Variants in PTPRD observed in about 807,000 individuals in gnomAD.
The protein encoded by PTPRD is receptor-type tyrosine-protein phosphatase delta.
Under a neutral mutation model 214.5 loss-of-function variants are expected in PTPRD, and 34 were observed. The ratio of observed to expected loss-of-function variants is 0.16; its 90% CI spans 0.12 to 0.21. The LOEUF is 0.21. Ranked by LOEUF, PTPRD falls within the 10% of genes least tolerant of loss-of-function variation. The pLI, the probability that PTPRD is intolerant of heterozygous loss-of-function variation, is 1.00. For missense variants in PTPRD, 2,545 were observed against 2,398.7 expected, an observed-to-expected ratio of 1.06 and a Z score of -1.27; for synonymous variants, 1,128 against 845.7, an observed-to-expected ratio of 1.33 and a Z score of -5.79.
chr9:8,417,040 T>C (rs1043992679), intron 35 of PTPRD, among the ~76,000 whole-genome samples: 3 of 152,064 alleles, frequency 2.0e-5, no homozygotes, highest in Non-Finnish European at 4.4e-5. Context: ...AATTCCTTAT[T>C]TAAAAACTGT....
intron 2 of PTPRD, among the ~76,000 whole-genome samples, chr9:10,416,293 G>C (rs114368428): frequency 6.6e-6 from 1 of 151,762 alleles, no homozygotes; most frequent in African/African-American, 2.4e-5. Flanking sequence ...GGGAGGCAGA[G>C]TGTTGCAGTG....
At chr9:8,341,544 G>T in intron 40 of PTPRD, 149 bp downstream of exon 40, 1 of 952,778 alleles carries the variant, frequency 1.0e-6, no homozygotes, top group African/African-American at 1.6e-5. Context: ...AGGAAAAGGG[G>T]AGGAATACAT....
intron 8 of PTPRD, among the ~76,000 whole-genome samples, chr9:9,455,377 G>A (rs941283421): frequency 6.6e-6 from 1 of 151,386 alleles, no homozygotes; most frequent in Non-Finnish European, 1.5e-5. Context: ...TGTCTCTCTA[G>A]TTTCATTTTG....
intron 10 of PTPRD, among the ~76,000 whole-genome samples, chr9:9,139,167 G>A (rs888208612): frequency 2.3e-4 from 34 of 150,474 alleles, no homozygotes; most frequent in African/African-American, 8.3e-4. Flanking sequence ...TGGAACTGCA[G>A]ACAATTCTGA....
intron 10 of PTPRD, among the ~76,000 whole-genome samples, chr9:9,144,884 T>C (rs2099866140): frequency 6.6e-6 from 1 of 152,206 alleles, no homozygotes; most frequent in South Asian, 2.1e-4. Flanking sequence ...GAAAATATTT[T>C]AATTGCATCT....
chr9:9,208,139 G>A (rs566274898), intron 9 of PTPRD, among the ~76,000 whole-genome samples: 6 of 148,752 alleles, frequency 4.0e-5, no homozygotes, highest in South Asian at 4.2e-4. Context: ...CTCAGCCTCC[G>A]GAGTAGCTGG....
At chr9:9,417,526 C>G (rs915262060) in intron 8 of PTPRD, among the ~76,000 whole-genome samples, 3 of 152,060 alleles carry the variant, frequency 2.0e-5, no homozygotes, top group Admixed American at 6.6e-5. Flanking sequence ...TTCTAAAAAA[C>G]TCCAGTTCAT....
chr9:10,140,636 C>A (rs1472100537), intron 3 of PTPRD, among the ~76,000 whole-genome samples: 1 of 151,962 alleles, frequency 6.6e-6, no homozygotes, highest in Non-Finnish European at 1.5e-5. Flanking sequence ...AGTCCAGGAC[C>A]AGATGGATTG....
chr9:9,393,939 T>C (rs1022267253), intron 9 of PTPRD, among the ~76,000 whole-genome samples: 3 of 152,144 alleles, frequency 2.0e-5, no homozygotes, highest in African/African-American at 2.4e-5. Flanking sequence ...CTCCGCAACA[T>C]TGCCACCAAT....
chr9:8,932,577 G>A (rs2098960482), intron 11 of PTPRD, among the ~76,000 whole-genome samples: 1 of 152,160 alleles, frequency 6.6e-6, no homozygotes, highest in African/African-American at 2.4e-5. Flanking sequence ...GCCCAGAGAG[G>A]AGGAATCTGG....
intron 3 of PTPRD, among the ~76,000 whole-genome samples, chr9:10,314,696 G>T (rs1164163584): frequency 3.3e-5 from 5 of 151,856 alleles, no homozygotes; most frequent in Non-Finnish European, 7.4e-5. Flanking sequence ...ATAATCATGA[G>T]TATACATCAT....
intron 35 of PTPRD, among the ~76,000 whole-genome samples, chr9:8,407,308 T>G (rs2093083502): frequency 6.6e-6 from 1 of 152,158 alleles, no homozygotes; most frequent in Non-Finnish European, 1.5e-5. Context: ...GTAGGTATTG[T>G]TTTTTTCCAT....
chr9:9,794,142 A>T (rs1203160920), intron 5 of PTPRD, among the ~76,000 whole-genome samples: 1 of 134,158 alleles, frequency 7.5e-6, no homozygotes, highest in Admixed American at 7.7e-5. Flanking sequence ...CAATACAATG[A>T]ATGTATATAT....
intron 37 of PTPRD, among the ~76,000 whole-genome samples, chr9:8,377,526 T>C (rs1047339409): frequency 6.6e-6 from 1 of 152,072 alleles, no homozygotes; most frequent in African/African-American, 2.4e-5. Flanking sequence ...TTAAAAAGTA[T>C]AATGAAAAGT....
chr9:10,228,385 T>C (rs984379853), intron 3 of PTPRD, among the ~76,000 whole-genome samples: 6 of 152,074 alleles, frequency 3.9e-5, no homozygotes, highest in African/African-American at 1.4e-4. Flanking sequence ...TTCTGTATAT[T>C]AAACACTTAG....
At chr9:9,258,852 T>G (rs1018908525) in intron 9 of PTPRD, among the ~76,000 whole-genome samples, 6 of 151,946 alleles carry the variant, frequency 3.9e-5, no homozygotes, top group African/African-American at 1.4e-4. Context: ...CAGAATTTTG[T>G]GTGTAAATCA....
intron 7 of PTPRD, among the ~76,000 whole-genome samples, chr9:9,608,560 A>T (rs1161343340): frequency 1.3e-5 from 2 of 152,180 alleles, no homozygotes; most frequent in Non-Finnish European, 2.9e-5. Context: ...ACCTCTAACC[A>T]ACTATTTAGT....
chr9:10,254,038 C>A (rs1215383677), intron 3 of PTPRD, among the ~76,000 whole-genome samples: 3 of 152,182 alleles, frequency 2.0e-5, no homozygotes, highest in Admixed American at 6.5e-5. Context: ...TCCCCGTAAT[C>A]TTAAAGAAAG....
intron 12 of PTPRD, among the ~76,000 whole-genome samples, chr9:8,722,626 T>C (rs1464368750): frequency 1.3e-5 from 2 of 152,168 alleles, no homozygotes; most frequent in Admixed American, 6.5e-5. Context: ...TGGAAGCATA[T>C]AGGGAAAAGC....
Sources: allele counts gnomAD v4.1 joint callset (sites outside exome capture counted in the v4.1 genomes callset), GRCh38; gene constraint gnomAD v4.1.1; transcripts MANE v1.5; gene names NCBI Gene and HGNC (gene_info 2026-07-23, HGNC 2026-07-21).